The following CCDC91 variants were observed in gnomAD, a reference collection of about 807,000 sequenced individuals.
CCDC91 encodes coiled-coil domain-containing protein 91.
In CCDC91, 48 loss-of-function variants were observed where a neutral mutation model predicts 63.2. That is an observed-to-expected ratio of 0.76 (90% CI 0.60 to 0.97). CCDC91 has a LOEUF of 0.97. Ranked by LOEUF, CCDC91 falls within the 50% of genes least tolerant of loss-of-function variation. The pLI is 0.00. For synonymous variants in CCDC91, 167 were observed against 165.8 expected (o/e 1.01, Z -0.06); for missense variants, 500 against 494.6 (o/e 1.01, Z -0.10).
chr12:28,336,112 A>G (rs1460737855), intron 6 of CCDC91, among the ~76,000 whole-genome samples: 3 of 152,058 alleles, frequency 2.0e-5, no homozygotes, highest in East Asian at 3.9e-4. Context: ...GGCTCATTCA[A>G]TCTAATTTCT....
At chr12:28,384,051 T>C (rs770086434) in intron 7 of CCDC91, among the ~76,000 whole-genome samples, 2 of 152,140 alleles carry the variant, frequency 1.3e-5, no homozygotes, top group Admixed American at 1.3e-4. Flanking sequence ...TTAAGACAAG[T>C]TGGTAACCAA....
intron 8 of CCDC91, among the ~76,000 whole-genome samples, chr12:28,437,326 A>G (rs1380035824): frequency 6.6e-6 from 1 of 152,042 alleles, no homozygotes; most frequent in Non-Finnish European, 1.5e-5. Flanking sequence ...CCCTTGTTGT[A>G]CATTTAAAAT....
intron 11 of CCDC91, among the ~76,000 whole-genome samples, chr12:28,461,266 T>C (rs1162881283): frequency 6.6e-6 from 1 of 152,098 alleles, no homozygotes; most frequent in Non-Finnish European, 1.5e-5. Flanking sequence ...GTGCATCGTT[T>C]TATCCAGGAT....
At chr12:28,540,105 C>T (rs1391033040) in intron 12 of CCDC91, among the ~76,000 whole-genome samples, 1 of 152,088 alleles carries the variant, frequency 6.6e-6, no homozygotes, top group Non-Finnish European at 1.5e-5. Flanking sequence ...ATTGTACAAG[C>T]CTAGCAGGTA....
intron 12 of CCDC91, among the ~76,000 whole-genome samples, chr12:28,489,719 T>A (rs1239274701): frequency 6.6e-6 from 1 of 151,866 alleles, no homozygotes. Context: ...TCAAAGGTTT[T>A]GTGGTCAAGG....
At chr12:28,469,041 C>G (rs1483683997) in intron 11 of CCDC91, among the ~76,000 whole-genome samples, 1 of 152,026 alleles carries the variant, frequency 6.6e-6, no homozygotes, top group Admixed American at 6.6e-5. Flanking sequence ...ACAGGGATGC[C>G]ACTGTCATCA....
At chr12:28,270,811 G>GC (rs1947718844) in intron 3 of CCDC91, among the ~76,000 whole-genome samples, 1 of 152,038 alleles carries the variant, frequency 6.6e-6, no homozygotes, top group South Asian at 2.1e-4. Context: ...TTATGATCCT[G>GC]CTTGACGTTA....
At chr12:28,364,151 C>G (rs976782266) in intron 7 of CCDC91, among the ~76,000 whole-genome samples, 2 of 151,594 alleles carry the variant, frequency 1.3e-5, no homozygotes, top group African/African-American at 2.4e-5. Flanking sequence ...TTTGGGAGGC[C>G]GAAGTGGGTG....
At chr12:28,243,499 C>T (rs571107539) in intron 1 of CCDC91, among the ~76,000 whole-genome samples, 44 of 152,168 alleles carry the variant, frequency 2.9e-4, no homozygotes, top group Non-Finnish European at 5.6e-4. Flanking sequence ...GATTGGTATA[C>T]GTAAATTAGT....
At chr12:28,342,723 A>G (rs1297902748) in intron 6 of CCDC91, among the ~76,000 whole-genome samples, 1 of 152,128 alleles carries the variant, frequency 6.6e-6, no homozygotes, top group Non-Finnish European at 1.5e-5. Flanking sequence ...TTATCTTTAG[A>G]TGGAACAAAG....
chr12:28,272,415 G>A (rs1169410980), intron 3 of CCDC91, among the ~76,000 whole-genome samples: 2 of 142,030 alleles, frequency 1.4e-5, no homozygotes, highest in Non-Finnish European at 3.1e-5. Context: ...TAGTAAAGTC[G>A]CTTTTTTTTT....
At chr12:28,422,171 G>A (rs1948055100) in intron 8 of CCDC91, among the ~76,000 whole-genome samples, 1 of 152,092 alleles carries the variant, frequency 6.6e-6, no homozygotes, top group Non-Finnish European at 1.5e-5. Context: ...AATTCTGGTT[G>A]TTGTCTTTAA....
chr12:28,379,633 G>A lies in CCDC91; in HGVS notation c.655-11671G>A, dbSNP rs144353805. 3.5e-3 allele frequency among the ~76,000 whole-genome samples: 532 copies of A among 152,204 alleles called. 5 individuals are homozygous for A. Among genetic ancestry groups the A allele is most frequent in the African/African-American group, 0.012 (505 of 41,530 alleles). On this transcript the variant is annotated intron_variant, in intron 7 of 12. Transcript: ENST00000536442. ...ATACCATCTCACACCAGTTAGAATG[G>A]CAGTCATTAAAAAGGAAACAACAGA...
At chr12:28,216,589 G>C (rs1048300642) in intron 1 of CCDC91, among the ~76,000 whole-genome samples, 1 of 151,942 alleles carries the variant, frequency 6.6e-6, no homozygotes, top group African/African-American at 2.4e-5. Flanking sequence ...ATGTAGAGAA[G>C]TTGGGGTGTG....
chr12:28,519,434 T>C (rs1940335866), intron 12 of CCDC91, among the ~76,000 whole-genome samples: 1 of 152,018 alleles, frequency 6.6e-6, no homozygotes, highest in African/African-American at 2.4e-5. Context: ...AACTGTTGAC[T>C]TTTGTCAGTT....
intron 1 of CCDC91, among the ~76,000 whole-genome samples, chr12:28,197,361 A>G (rs1941853734): frequency 1.3e-5 from 2 of 152,164 alleles, no homozygotes; most frequent in African/African-American, 2.4e-5. Context: ...CCACTGATCT[A>G]TACAGAATTA....
At chr12:28,245,505 AG>A (rs1945670170) in intron 1 of CCDC91, among the ~76,000 whole-genome samples, 1 of 152,288 alleles carries the variant, frequency 6.6e-6, no homozygotes, top group African/African-American at 2.4e-5. Context: ...GAATAGATTA[AG>A]AATTTCTGTT....
chr12:28,347,111 T>C (rs1215459307), intron 6 of CCDC91, among the ~76,000 whole-genome samples: 1 of 152,218 alleles, frequency 6.6e-6, no homozygotes, highest in African/African-American at 2.4e-5. Context: ...TACATAATTA[T>C]TAATAATTTG....
At chr12:28,253,415 C>A (rs1325421115) in intron 1 of CCDC91, among the ~76,000 whole-genome samples, 2 of 152,172 alleles carry the variant, frequency 1.3e-5, no homozygotes, top group African/African-American at 4.8e-5. Context: ...TTTACCCTGT[C>A]CAGGGAATGA....
Sources: gnomAD v4.1 joint callset for allele counts (sites outside exome capture counted in the v4.1 genomes callset) on GRCh38, gnomAD v4.1.1 for gene constraint, MANE v1.5 for transcripts, NCBI Gene and HGNC (gene_info 2026-07-23, HGNC 2026-07-21) for gene names.